FRMD4A: variants seen among roughly 807,000 people sequenced by gnomAD.
FRMD4A encodes FERM domain-containing protein 4A.
Under a neutral mutation model 129.1 loss-of-function variants are expected in FRMD4A, and 29 were observed. That is an observed-to-expected ratio of 0.22 (90% CI 0.17 to 0.31). FRMD4A has a LOEUF of 0.31. Ranked by LOEUF, FRMD4A falls within the 10% of genes least tolerant of loss-of-function variation. The pLI is 1.00. For missense variants in FRMD4A, 1,272 were observed against 1,375.8 expected (o/e 0.92, Z 1.19); for synonymous variants, 634 against 571.6 (o/e 1.11, Z -1.56).
At chr10:14,001,205 T>C (rs890572309) in intron 2 of FRMD4A, among the ~76,000 whole-genome samples, 1 of 152,200 alleles carries the variant, frequency 6.6e-6, no homozygotes, top group Non-Finnish European at 1.5e-5. Context: ...CTGGATCCTA[T>C]CCCCAGAGAT....
chr10:13,685,165 C>T (rs2084957362), intron 15 of FRMD4A: 1 of 984,902 alleles, frequency 1.0e-6, no homozygotes, highest in South Asian at 4.7e-5. Flanking sequence ...AAAATGCATG[C>T]TTGGAGAACT....
At chr10:13,678,325 G>T (rs147314595) in intron 15 of FRMD4A, among the ~76,000 whole-genome samples, 1 of 152,222 alleles carries the variant, frequency 6.6e-6, no homozygotes, top group African/African-American at 2.4e-5. Flanking sequence ...CGAAGATGGT[G>T]TCTGGGTACC....
chr10:13,882,630 T>C (rs1249105383), intron 2 of FRMD4A, among the ~76,000 whole-genome samples: 3 of 152,154 alleles, frequency 2.0e-5, no homozygotes, highest in Admixed American at 2.0e-4. Context: ...TCAGGAAAGT[T>C]CTGCTGGGAA....
chr10:14,067,209 G>T (rs1203191863), intron 2 of FRMD4A, among the ~76,000 whole-genome samples: 2 of 151,988 alleles, frequency 1.3e-5, no homozygotes, highest in Non-Finnish European at 2.9e-5. Flanking sequence ...CAAGCTACTC[G>T]GGAGGCTGAG....
intron 2 of FRMD4A, among the ~76,000 whole-genome samples, chr10:14,047,748 T>C (rs1265988319): frequency 6.6e-6 from 1 of 152,150 alleles, no homozygotes; most frequent in African/African-American, 2.4e-5. Context: ...GTCCAGGAAG[T>C]ATGGGAGAAT....
chr10:14,097,603 A>G (rs547971729), intron 2 of FRMD4A, among the ~76,000 whole-genome samples: 3 of 152,266 alleles, frequency 2.0e-5, no homozygotes, highest in Admixed American at 2.0e-4. Context: ...TTCCAAATTT[A>G]GTGCTCTTAA....
At chr10:14,104,294 G>A (rs1013071160) in intron 2 of FRMD4A, among the ~76,000 whole-genome samples, 3 of 151,792 alleles carry the variant, frequency 2.0e-5, no homozygotes, top group Admixed American at 6.6e-5. Context: ...CACTGCCATC[G>A]ACGTTACACC....
intron 12 of FRMD4A, among the ~76,000 whole-genome samples, chr10:13,721,451 C>T (rs1001122622): frequency 1.3e-5 from 2 of 151,868 alleles, no homozygotes; most frequent in African/African-American, 4.8e-5. Context: ...CACTGCACTC[C>T]AGCATGGATG....
chr10:13,725,418 G>A (rs996128456), intron 12 of FRMD4A, among the ~76,000 whole-genome samples: 1 of 152,216 alleles, frequency 6.6e-6, no homozygotes, highest in Non-Finnish European at 1.5e-5. Context: ...CCCTGGGAGA[G>A]ATTTAGACCT....
rs71388168 is a variant in FRMD4A, at chr10:14,241,683, T to TAAAAAAAAAAAAAAAAA, written c.45+88358_45+88374dup. 3.0e-4 allele frequency among the ~76,000 whole-genome samples: 7 copies of TAAAAAAAAAAAAAAAAA among 23,416 alleles called. 1 individual carries two copies. Among genetic ancestry groups the TAAAAAAAAAAAAAAAAA allele is most frequent in the Admixed American group, 1.4e-3 (2 of 1,426 alleles). 15.4% of individuals were successfully genotyped at this position (23,416 alleles called of 152,430 possible). On this transcript the variant is annotated intron_variant, in intron 2 of 24. Coordinates refer to ENST00000357447, the MANE Select transcript of FRMD4A (RefSeq NM_018027.5). Reference sequence around the variant, plus strand: ...GGAGAGGGATTTGTTTTACCCTCCCTAAAAAAAAAAAAAAAAAAAAAAAAA... The same window carrying TAAAAAAAAAAAAAAAAA: ...GGAGAGGGATTTGTTTTACCCTCCCTAAAAAAAAAAAAAAAAAAAAAAAAAAAAAAAAAAAAAAAAAA...
chr10:14,209,239 G>A (rs1015576319), intron 2 of FRMD4A, among the ~76,000 whole-genome samples: 34 of 152,088 alleles, frequency 2.2e-4, no homozygotes, highest in African/African-American at 7.7e-4. Flanking sequence ...CAAGTTATTT[G>A]ACAAAATAAT....
At chr10:14,230,356 G>A (rs903401147) in intron 2 of FRMD4A, among the ~76,000 whole-genome samples, 7 of 152,194 alleles carry the variant, frequency 4.6e-5, no homozygotes, top group Non-Finnish European at 7.3e-5. Context: ...GTACAAATGC[G>A]TGTCCTGTGC....
chr10:14,201,145 G>T (rs1842625033), intron 2 of FRMD4A, among the ~76,000 whole-genome samples: 1 of 152,142 alleles, frequency 6.6e-6, no homozygotes, highest in South Asian at 2.1e-4. Context: ...CAGCAGCCCT[G>T]ACCCCAGAGG....
chr10:13,919,248 G>A (rs995201801), intron 2 of FRMD4A, among the ~76,000 whole-genome samples: 2 of 152,192 alleles, frequency 1.3e-5, no homozygotes, highest in African/African-American at 2.4e-5. Context: ...CCAGTTGTCC[G>A]TGACTTTGTT....
At chr10:13,654,272 A>C (rs1238151257) in intron 23 of FRMD4A, 144 bp downstream of exon 23, 1 of 682,610 alleles carries the variant, frequency 1.5e-6, no homozygotes, top group Non-Finnish European at 2.7e-6. Flanking sequence ...ACAGCAGATC[A>C]TGGGGCTTCT....
chr10:13,687,750 A>C (rs565649098), intron 15 of FRMD4A, among the ~76,000 whole-genome samples: 137 of 152,232 alleles, frequency 9.0e-4, no homozygotes, highest in African/African-American at 3.1e-3. Flanking sequence ...AATCCAATGC[A>C]CCCTGCCTGC....
chr10:13,812,716 T>C (rs1042737403), intron 3 of FRMD4A, among the ~76,000 whole-genome samples: 13 of 152,190 alleles, frequency 8.5e-5, no homozygotes, highest in African/African-American at 3.1e-4. Context: ...AATTCACTGA[T>C]GAAAACCACT....
At chr10:13,830,753 G>A (rs2093777054) in intron 3 of FRMD4A, among the ~76,000 whole-genome samples, 1 of 152,200 alleles carries the variant, frequency 6.6e-6, no homozygotes, top group Non-Finnish European at 1.5e-5. Context: ...ATCCCTGTGT[G>A]TGTGTATGTG....
At chr10:14,283,594 T>A (rs1845590366) in intron 2 of FRMD4A, among the ~76,000 whole-genome samples, 1 of 152,244 alleles carries the variant, frequency 6.6e-6, no homozygotes, top group Non-Finnish European at 1.5e-5. Context: ...TTCACAATTC[T>A]GGAGTATTTA....
Sources: allele counts gnomAD v4.1 joint callset (sites outside exome capture counted in the v4.1 genomes callset), GRCh38; gene constraint gnomAD v4.1.1; transcripts MANE v1.5; gene names NCBI Gene and HGNC (gene_info 2026-07-23, HGNC 2026-07-21).